The following DLGAP1 variants were observed in gnomAD, a reference collection of about 807,000 sequenced individuals.
The protein encoded by DLGAP1 is disks large-associated protein 1.
A neutral mutation model predicts 90.8 loss-of-function variants in DLGAP1; 11 were observed. That is an observed-to-expected ratio of 0.12 (90% CI 0.08 to 0.20). The LOEUF (loss-of-function observed/expected upper bound fraction) is 0.20. DLGAP1 is among the 10% of genes least tolerant of loss of function. The probability of loss-of-function intolerance (pLI) is 1.00; values close to 1 mark genes in which losing one functional copy is unlikely to be tolerated. For synonymous variants in DLGAP1, 558 were observed against 540.7 expected, an observed-to-expected ratio of 1.03 and a Z score of -0.44; for missense variants, 1,050 against 1,333.8, an observed-to-expected ratio of 0.79 and a Z score of 3.31.
chr18:4,348,400 A>ATGTGTGTGTGTGTGTGTGTGTGTGTGTG (rs71160958), intron 1 of DLGAP1, among the ~76,000 whole-genome samples: 151 of 133,532 alleles, frequency 1.1e-3, no homozygotes, highest in Non-Finnish European at 1.9e-3. Flanking sequence ...GAACTCAGGA[A>ATGTGTGTGTGTGTGTGTGTGTGTGTGTG]TGTGTGTGTG....
At chr18:4,142,959 CCAAA>C (rs750222873) in intron 2 of DLGAP1, among the ~76,000 whole-genome samples, 32 of 152,220 alleles carry the variant, frequency 2.1e-4, no homozygotes, top group South Asian at 4.1e-4. Flanking sequence ...TTACTTTCTC[CCAAA>C]CAAACAGAGT....
intron 10 of DLGAP1, among the ~76,000 whole-genome samples, chr18:3,523,739 C>T (rs2051405508): frequency 1.3e-5 from 2 of 151,506 alleles, no homozygotes; most frequent in Admixed American, 6.6e-5. Flanking sequence ...CCCAGCTACA[C>T]TGGGAGGCTG....
chr18:4,133,056 G>A (rs1037392279), intron 2 of DLGAP1, among the ~76,000 whole-genome samples: 14 of 152,132 alleles, frequency 9.2e-5, no homozygotes, highest in African/African-American at 3.4e-4. Flanking sequence ...GCAAGATTTT[G>A]TGAGAATCAC....
At chr18:3,786,340 T>A (rs1007946733) in intron 5 of DLGAP1, among the ~76,000 whole-genome samples, 1 of 152,154 alleles carries the variant, frequency 6.6e-6, no homozygotes, top group Non-Finnish European at 1.5e-5. Flanking sequence ...ATGACGATGA[T>A]GATGACTAGA....
At chr18:4,090,497 TC>T (rs1193936290) in intron 2 of DLGAP1, among the ~76,000 whole-genome samples, 1 of 152,080 alleles carries the variant, frequency 6.6e-6, no homozygotes, top group East Asian at 1.9e-4. Context: ...GAAAAGAAGC[TC>T]AACATCCCTG....
chr18:4,398,892 C>T (rs560789390), intron 1 of DLGAP1, among the ~76,000 whole-genome samples: 3 of 152,248 alleles, frequency 2.0e-5, no homozygotes, highest in African/African-American at 4.8e-5. Flanking sequence ...AGTGCCGTGG[C>T]GTGATCTCGG....
At chr18:3,888,329 G>C (rs2071375465) in intron 3 of DLGAP1, among the ~76,000 whole-genome samples, 2 of 151,888 alleles carry the variant, frequency 1.3e-5, no homozygotes, top group South Asian at 4.2e-4. Flanking sequence ...AGTACTATTA[G>C]AACACCTTTG....
chr18:3,907,676 C>T (rs552436445), intron 3 of DLGAP1, among the ~76,000 whole-genome samples: 4 of 152,246 alleles, frequency 2.6e-5, no homozygotes, highest in Admixed American at 6.5e-5. Flanking sequence ...ATGGAGGACA[C>T]AGGTACACCC....
At chr18:3,944,262 C>A (rs2072831543) in intron 3 of DLGAP1, among the ~76,000 whole-genome samples, 1 of 152,222 alleles carries the variant, frequency 6.6e-6, no homozygotes, top group Non-Finnish European at 1.5e-5. Context: ...CTTTGGGAAG[C>A]TGAGGCGAGT....
intron 1 of DLGAP1, among the ~76,000 whole-genome samples, chr18:4,258,994 C>T (rs1598744215): frequency 1.3e-5 from 2 of 152,264 alleles, no homozygotes; most frequent in Middle Eastern, 3.4e-3. Context: ...TTCTGCAATG[C>T]TTTTACATTA....
intron 5 of DLGAP1, among the ~76,000 whole-genome samples, chr18:3,803,758 C>T (rs913195300): frequency 4.6e-5 from 7 of 151,834 alleles, no homozygotes; most frequent in African/African-American, 1.7e-4. Context: ...CATGAGAAAG[C>T]CTTGGTGTAT....
At chr18:4,362,374 T>C (rs923681829) in intron 1 of DLGAP1, among the ~76,000 whole-genome samples, 1 of 152,142 alleles carries the variant, frequency 6.6e-6, no homozygotes, top group Non-Finnish European at 1.5e-5. Context: ...AACTGTGGGA[T>C]AGACATATGA....
intron 7 of DLGAP1, among the ~76,000 whole-genome samples, chr18:3,657,055 A>C (rs1468355736): frequency 6.6e-6 from 1 of 152,198 alleles, no homozygotes; most frequent in African/African-American, 2.4e-5. Context: ...TTTTCGGTGA[A>C]TTTAAAGGTG....
At chr18:4,445,666 C>CA (rs955474493) in intron 1 of DLGAP1, among the ~76,000 whole-genome samples, 16 of 151,946 alleles carry the variant, frequency 1.1e-4, no homozygotes, top group African/African-American at 3.4e-4. Context: ...CTACTGGGCT[C>CA]AAGCCTATGA....
At chr18:4,337,143 G>A (rs67174668) in intron 1 of DLGAP1, among the ~76,000 whole-genome samples, 55,030 of 131,960 alleles carry the variant, frequency 0.42, 12,762 homozygotes, top group Non-Finnish European at 0.53. Flanking sequence ...AAAAAAAAAA[G>A]AGCAAAAGTA....
chr18:3,570,002 T>C (rs1036807516), intron 8 of DLGAP1, among the ~76,000 whole-genome samples: 2 of 152,126 alleles, frequency 1.3e-5, no homozygotes, highest in African/African-American at 4.8e-5. Context: ...CACAAATACT[T>C]AACATTATGT....
At chr18:4,174,590 C>T (rs946493953) in intron 1 of DLGAP1, among the ~76,000 whole-genome samples, 4 of 152,170 alleles carry the variant, frequency 2.6e-5, no homozygotes, top group Non-Finnish European at 5.9e-5. Flanking sequence ...TCCTCGGCCT[C>T]CCAAAGTGCT....
chr18:3,648,007 T>C (rs981194704), intron 7 of DLGAP1, among the ~76,000 whole-genome samples: 1 of 152,218 alleles, frequency 6.6e-6, no homozygotes, highest in Non-Finnish European at 1.5e-5. Flanking sequence ...CAATGGGATA[T>C]AGAAGGCTAA....
intron 5 of DLGAP1, among the ~76,000 whole-genome samples, chr18:3,783,332 A>ACATAAAAACCTGTACACATATGTT (rs1380962258): frequency 6.6e-6 from 1 of 152,236 alleles, no homozygotes; most frequent in African/African-American, 2.4e-5. Context: ...ACATATGCCC[A>ACATAAAAACCTGTACACATATGTT]CATAAAAACC....
Sources: allele counts gnomAD v4.1 joint callset (sites outside exome capture counted in the v4.1 genomes callset), GRCh38; gene constraint gnomAD v4.1.1; transcripts MANE v1.5; gene names NCBI Gene and HGNC (gene_info 2026-07-23, HGNC 2026-07-21).